The following HMGCLL1 variants were observed in gnomAD, a reference collection of about 807,000 sequenced individuals.
HMGCLL1 encodes the protein 3-hydroxymethyl-3-methylglutaryl-CoA lyase, cytoplasmic.
A neutral mutation model predicts 39.1 loss-of-function variants in HMGCLL1; 36 were observed. The ratio of observed to expected loss-of-function variants is 0.92; its 90% CI spans 0.71 to 1.22. The LOEUF (loss-of-function observed/expected upper bound fraction) is 1.22, where lower values mean the gene tolerates loss of function less well. Ranked by LOEUF, HMGCLL1 falls within the 50% of genes most tolerant of loss-of-function variation. The probability of loss-of-function intolerance (pLI) is 0.00; values close to 1 mark genes in which losing one functional copy is unlikely to be tolerated. For synonymous variants in HMGCLL1, 149 were observed against 144.0 expected (o/e 1.03, Z -0.25); for missense variants, 451 against 416.5 (o/e 1.08, Z -0.72).
At chr6:55,619,805 C>G in the HMGCLL1 span, among the ~76,000 whole-genome samples, 5 of 152,054 alleles carry the variant, frequency 3.3e-5, no homozygotes, top group Non-Finnish European at 5.9e-5. Context: ...TTCTATTTAA[C>G]TATATTTAGG....
chr6:55,633,182 C>T, the HMGCLL1 span, among the ~76,000 whole-genome samples: 6 of 152,008 alleles, frequency 3.9e-5, no homozygotes, highest in South Asian at 2.1e-4. Flanking sequence ...TTCAAATTTA[C>T]GTTTCACAAA....
chr6:55,485,061 A>G (rs1765951948), intron 7 of HMGCLL1, among the ~76,000 whole-genome samples: 1 of 152,128 alleles, frequency 6.6e-6, no homozygotes, highest in Non-Finnish European at 1.5e-5. Flanking sequence ...GACTGTAACT[A>G]TTCCCTCAGA....
chr6:55,600,423 ATGT>A, the HMGCLL1 span, among the ~76,000 whole-genome samples: 2 of 152,148 alleles, frequency 1.3e-5, no homozygotes. Flanking sequence ...CTCTGATTTG[ATGT>A]GTAAAATTAT....
At chr6:55,595,447 C>A in the HMGCLL1 span, among the ~76,000 whole-genome samples, 1 of 152,114 alleles carries the variant, frequency 6.6e-6, no homozygotes, top group Non-Finnish European at 1.5e-5. Flanking sequence ...ACAGAAGTTT[C>A]AAATAGAAAA....
intron 1 of HMGCLL1, among the ~76,000 whole-genome samples, chr6:55,543,833 A>C (rs934552189): frequency 2.0e-5 from 3 of 151,820 alleles, no homozygotes; most frequent in African/African-American, 7.3e-5. Flanking sequence ...TGGTTGTGCC[A>C]CTGCATTCCA....
At chr6:55,567,664 T>C (rs568954201) in intron 1 of HMGCLL1, among the ~76,000 whole-genome samples, 1 of 152,278 alleles carries the variant, frequency 6.6e-6, no homozygotes, top group East Asian at 1.9e-4. Context: ...AACAGCAGAA[T>C]GGAGAACTGA....
chr6:55,651,392 A>G, the HMGCLL1 span, among the ~76,000 whole-genome samples: 1 of 152,014 alleles, frequency 6.6e-6, no homozygotes, highest in African/African-American at 2.4e-5. Flanking sequence ...TAAGCTAGGG[A>G]CCAGAATGGG....
chr6:55,507,271 A>T (rs1767217324), intron 5 of HMGCLL1, among the ~76,000 whole-genome samples: 2 of 151,734 alleles, frequency 1.3e-5, no homozygotes, highest in South Asian at 4.1e-4. Flanking sequence ...TAAAAAGAGT[A>T]TACATAGGGT....
At chr6:55,474,258 C>T (rs1272785965) in intron 7 of HMGCLL1, among the ~76,000 whole-genome samples, 1 of 151,472 alleles carries the variant, frequency 6.6e-6, no homozygotes, top group Non-Finnish European at 1.5e-5. Flanking sequence ...TAATGGATCT[C>T]TACAGAGCCT....
the HMGCLL1 span, among the ~76,000 whole-genome samples, chr6:55,642,478 A>G: frequency 6.6e-6 from 1 of 152,086 alleles, no homozygotes; most frequent in South Asian, 2.1e-4. Flanking sequence ...ATTTATGGGT[A>G]TGTATAGGCA....
At chr6:55,491,299 T>C (rs967694385) in intron 7 of HMGCLL1, among the ~76,000 whole-genome samples, 13 of 152,206 alleles carry the variant, frequency 8.5e-5, no homozygotes, top group Non-Finnish European at 1.5e-4. Flanking sequence ...TGTGTACATA[T>C]GTAACTAACC....
intron 3 of HMGCLL1, among the ~76,000 whole-genome samples, chr6:55,527,200 C>A (rs571889932): frequency 6.6e-6 from 1 of 152,186 alleles, no homozygotes; most frequent in African/African-American, 2.4e-5. Context: ...AGAGAGAACT[C>A]ACCTTCAGGC....
At chr6:55,486,030 C>T (rs1581843344) in intron 7 of HMGCLL1, among the ~76,000 whole-genome samples, 1 of 150,596 alleles carries the variant, frequency 6.6e-6, no homozygotes, top group African/African-American at 2.4e-5. Flanking sequence ...TTAACATACA[C>T]ATTTAACATA....
chr6:55,504,691 T>C (rs1330512217), intron 5 of HMGCLL1, among the ~76,000 whole-genome samples: 1 of 150,166 alleles, frequency 6.7e-6, no homozygotes, highest in Admixed American at 6.7e-5. Context: ...AAAAATATTT[T>C]TGATTCATAG....
chr6:55,533,885 C>CAAA (rs70986727), intron 3 of HMGCLL1, among the ~76,000 whole-genome samples: 2 of 71,718 alleles, frequency 2.8e-5, no homozygotes, highest in Non-Finnish European at 2.8e-5. Context: ...GACTCCGTCT[C>CAAA]AAAAAAAAAA....
At chr6:55,675,904 T>A in the HMGCLL1 span, among the ~76,000 whole-genome samples, 1 of 152,150 alleles carries the variant, frequency 6.6e-6, no homozygotes, top group Non-Finnish European at 1.5e-5. Context: ...AATAGGAATG[T>A]TTTTTATTAC....
chr6:55,496,263 T>C (rs1397415884), intron 6 of HMGCLL1, among the ~76,000 whole-genome samples: 3 of 152,170 alleles, frequency 2.0e-5, no homozygotes, highest in Admixed American at 6.6e-5. Context: ...TATGTGTTAA[T>C]ACTAATCTAT....
In HMGCLL1 at chr6:55,470,614, A is replaced by G. The variant is rs115722529; in HGVS notation, c.795+24805T>C. On this transcript the variant is annotated intron_variant, in intron 7 of 8. Transcript: ENST00000274901. ...GACACAATTTAAAACACAATACAAT[A>G]AAATGAACATAATTTTAGTCACCAT... Among the ~76,000 whole-genome samples the G allele has an allele frequency of 7.2e-3, 1,088 of 151,942 alleles. 7 individuals are homozygous for G. Among genetic ancestry groups the G allele is most frequent in the African/African-American group, 0.019 (783 of 41,508 alleles).
chr6:55,484,017 T>A (rs568344355), intron 7 of HMGCLL1, among the ~76,000 whole-genome samples: 51 of 152,184 alleles, frequency 3.4e-4, no homozygotes, highest in African/African-American at 1.2e-3. Context: ...ATATAGAAAA[T>A]AGATTCTTGT....
Sources: gnomAD v4.1 joint callset for allele counts (sites outside exome capture counted in the v4.1 genomes callset) on GRCh38, gnomAD v4.1.1 for gene constraint, MANE v1.5 for transcripts, NCBI Gene and HGNC (gene_info 2026-07-23, HGNC 2026-07-21) for gene names.